Variants in DRC2 observed in about 807,000 individuals in gnomAD.
DRC2 encodes the protein dynein regulatory complex subunit 2.
chr12:48,920,441 TAAAAAAA>T, the DRC2 span, among the ~76,000 whole-genome samples: 52 of 67,818 alleles, frequency 7.7e-4, no homozygotes, highest in African/African-American at 1.0e-3. Context: ...AACTCCATCT[TAAAAAAA>T]AAAAAAAAAA....
chr12:48,916,019 G>C, the DRC2 span, among the ~76,000 whole-genome samples: 1 of 150,364 alleles, frequency 6.7e-6, no homozygotes, highest in African/African-American at 2.5e-5. Context: ...GGGCAGAGAC[G>C]CTCCTCACTT....
chr12:48,917,115 AG>A, the DRC2 span: 1 of 1,613,752 alleles, frequency 6.2e-7, no homozygotes, highest in Non-Finnish European at 8.5e-7. Flanking sequence ...CATGGTACGG[AG>A]GGAGAGTAGA....
the DRC2 span, chr12:48,914,574 GT>G: frequency 6.2e-7 from 1 of 1,613,454 alleles, no homozygotes; most frequent in South Asian, 1.1e-5. Context: ...AGACAGAAAG[GT>G]ATGGGGGCCT....
At chr12:48,919,564 C>T in the DRC2 span, among the ~76,000 whole-genome samples, 1 of 151,678 alleles carries the variant, frequency 6.6e-6, no homozygotes, top group Non-Finnish European at 1.5e-5. Flanking sequence ...GTTGCCCCGG[C>T]TGGAGTGCAG....
At chr12:48,910,767 G>A in the DRC2 span, among the ~76,000 whole-genome samples, 11 of 152,202 alleles carry the variant, frequency 7.2e-5, no homozygotes, top group Middle Eastern at 6.8e-3. Context: ...CTTGGAGGCC[G>A]GGCACAGTGG....
chr12:48,904,582 C>A, the DRC2 span: 1 of 1,386,742 alleles, frequency 7.2e-7, no homozygotes, highest in Non-Finnish European at 9.8e-7. Flanking sequence ...AATCCTGAGA[C>A]CCAGATATAC....
chr12:48,918,646 G>A, the DRC2 span: 2 of 1,592,410 alleles, frequency 1.3e-6, no homozygotes, highest in African/African-American at 1.3e-5. Context: ...ACCCTCAGTT[G>A]GTCAAGTAGA....
chr12:48,905,196 C>A, the DRC2 span: 2 of 1,225,572 alleles, frequency 1.6e-6, no homozygotes, highest in Non-Finnish European at 2.2e-6. Context: ...TCTTAAAGCC[C>A]TCACAAGACA....
the DRC2 span, among the ~76,000 whole-genome samples, chr12:48,920,441 T>TTTAAAAAAAAAAA: frequency 1.5e-3 from 103 of 67,784 alleles, 7 homozygotes; most frequent in Non-Finnish European, 2.1e-3. Flanking sequence ...AACTCCATCT[T>TTTAAAAAAAAAAA]AAAAAAAAAA....
chr12:48,918,395 TTTGAGAC>T, the DRC2 span: 1 of 1,614,182 alleles, frequency 6.2e-7, no homozygotes, highest in Non-Finnish European at 8.5e-7. Context: ...AAAGGCTGCC[TTTGAGAC>T]CCTGCAGGTG....
At chr12:48,918,226 C>A in the DRC2 span, 2 of 1,558,044 alleles carry the variant, frequency 1.3e-6, no homozygotes, top group Admixed American at 1.7e-5. Flanking sequence ...AGTGAAAGGG[C>A]ACTAATAAGG....
chr12:48,913,874 C>T, the DRC2 span, among the ~76,000 whole-genome samples: 158 of 151,410 alleles, frequency 1.0e-3, no homozygotes, highest in Non-Finnish European at 1.8e-3. Flanking sequence ...GATCTGCCCA[C>T]CTTGGCCTCC....
the DRC2 span, among the ~76,000 whole-genome samples, chr12:48,908,923 G>A: frequency 6.6e-6 from 1 of 151,316 alleles, no homozygotes; most frequent in Non-Finnish European, 1.5e-5. Flanking sequence ...ATCTAATCCT[G>A]TCACTCCACT....
chr12:48,915,971 G>C, the DRC2 span, among the ~76,000 whole-genome samples: 1 of 149,596 alleles, frequency 6.7e-6, no homozygotes, highest in African/African-American at 2.5e-5. Flanking sequence ...AGGGCGGCGG[G>C]GCAGAGGCAC....
At chr12:48,921,557 A>G in the DRC2 span, 2 of 1,473,512 alleles carry the variant, frequency 1.4e-6, no homozygotes, top group Non-Finnish European at 1.8e-6. Flanking sequence ...TGTTGCTATT[A>G]AAAATTTCCA....
the DRC2 span, chr12:48,914,418 C>A: frequency 2.2e-5 from 36 of 1,610,038 alleles, no homozygotes; most frequent in Non-Finnish European, 2.8e-5. Flanking sequence ...TAGCTAAAGA[C>A]CTGTCCGAAG....
chr12:48,920,468 GAAT>G, the DRC2 span, among the ~76,000 whole-genome samples: 22 of 72,416 alleles, frequency 3.0e-4, no homozygotes, highest in African/African-American at 1.2e-3. Flanking sequence ...AAAAAAAAAA[GAAT>G]GAGAGAATGA....
chr12:48,920,583 A>G, the DRC2 span, among the ~76,000 whole-genome samples: 2 of 142,270 alleles, frequency 1.4e-5, no homozygotes, highest in Admixed American at 1.4e-4. Flanking sequence ...GTGTGGTGGC[A>G]CCATCTCGTC....
At chr12:48,921,426 C>T in the DRC2 span, 2 of 1,608,760 alleles carry the variant, frequency 1.2e-6, no homozygotes, top group Non-Finnish European at 8.5e-7. Flanking sequence ...AGGTGATAAA[C>T]AACATCCAAC....
Sources: gnomAD v4.1 joint callset for allele counts (sites outside exome capture counted in the v4.1 genomes callset) on GRCh38, gnomAD v4.1.1 for gene constraint, MANE v1.5 for transcripts, NCBI Gene and HGNC (gene_info 2026-07-23, HGNC 2026-07-21) for gene names.